CFAP100: variants seen among roughly 807,000 people sequenced by gnomAD.
CFAP100 encodes cilia and flagella associated protein 100.
CFAP100 carries 70 observed loss-of-function variants against 81.5 expected under a neutral mutation model. The ratio of observed to expected loss-of-function variants is 0.86; its 90% CI spans 0.71 to 1.05. The LOEUF (loss-of-function observed/expected upper bound fraction) is 1.05, where lower values mean the gene tolerates loss of function less well. CFAP100 is among the 50% of genes least tolerant of loss of function. The pLI, the probability that CFAP100 is intolerant of heterozygous loss-of-function variation, is 0.00. For synonymous variants in CFAP100, 341 were observed against 314.8 expected (o/e 1.08, Z -0.88); for missense variants, 811 against 776.5 (o/e 1.04, Z -0.53).
intron 13 of CFAP100, among the ~76,000 whole-genome samples, chr3:126,427,242 A>T (rs1576644737): frequency 6.6e-6 from 1 of 152,364 alleles, no homozygotes; most frequent in African/African-American, 2.4e-5. Flanking sequence ...ACACTAGCCA[A>T]CCTCAAGACT....
At chr3:126,404,465 A>G (rs1460761649) in intron 2 of CFAP100, among the ~76,000 whole-genome samples, 1 of 152,196 alleles carries the variant, frequency 6.6e-6, no homozygotes, top group Non-Finnish European at 1.5e-5. Context: ...TGCACATTAC[A>G]AGGATCTGAC....
rs1272023801 is a variant in CFAP100, at chr3:126,425,764, CA to C, written c.1286+2124del. On this transcript the variant is annotated intron_variant, in intron 13 of 16. Coordinates refer to ENST00000352312, the MANE Select transcript of CFAP100 (RefSeq NM_182628.3). ...AGGTATGCAGGGCTGGTTCAACATTCAAAACTTAACATAATCTGTCATATCC... is the reference window on the plus strand; with the variant it reads ...AGGTATGCAGGGCTGGTTCAACATTCAAACTTAACATAATCTGTCATATCC... Among the ~76,000 whole-genome samples, 7 of 152,262 alleles carry C rather than the reference CA, an allele frequency of 4.6e-5. No homozygotes were observed. In the South Asian group the frequency reaches 6.2e-4, roughly 14 times the overall value.
intron 2 of CFAP100, among the ~76,000 whole-genome samples, chr3:126,398,417 A>G (rs1226754217): frequency 6.6e-6 from 1 of 152,228 alleles, no homozygotes; most frequent in African/African-American, 2.4e-5. Context: ...GGCTCCAGGT[A>G]CAAGACTCCA....
Position 126,434,360 on chromosome 3 carries a change from AG to A in CFAP100, c.1609del (p.Glu537ArgfsTer62), listed in dbSNP as rs1933359214. ...QVKIEQAERA[K>X]EKERRIRLRE... ...AAGATCGAGCAGGCCGAGAGGGCAA[AG>A]GAGAAGGAGCGGCGCATCAGGTGAG... On this transcript the variant is annotated frameshift_variant, in exon 15 of 17. Coordinates refer to ENST00000352312, the MANE Select transcript of CFAP100 (RefSeq NM_182628.3). LOFTEE classifies it high-confidence loss of function. 3 of 1,613,812 alleles carry A rather than the reference AG, an allele frequency of 1.9e-6. No individual in the cohort carries two copies. In the East Asian group the frequency reaches 6.7e-5, roughly 36 times the overall value.
chr3:126,426,608 G>A (rs1024105550), intron 13 of CFAP100, among the ~76,000 whole-genome samples: 1 of 152,144 alleles, frequency 6.6e-6, no homozygotes, highest in African/African-American at 2.4e-5. Context: ...AAATTAGCTG[G>A]GCGTGGTGGT....
At chr3:126,419,913 GC>G in intron 9 of CFAP100, 66 bp from the exon 10 acceptor site, 1 of 1,612,146 alleles carries the variant, frequency 6.2e-7, no homozygotes, top group African/African-American at 1.3e-5. Flanking sequence ...AGGCATCTGG[GC>G]CACATGGCGT....
Position 126,435,611 on chromosome 3 carries a change from C to A in CFAP100, c.1681C>A (p.Gln561Lys). The change falls in exon 16 of 17, where the codon CAG becomes AAG. Residue 561 changes from glutamine to lysine, a missense_variant. Coordinates refer to ENST00000352312, the MANE Select transcript of CFAP100 (RefSeq NM_182628.3). Reference protein sequence around the residue: ...MQKILQEEHLQRARARAQAEI... With the variant: ...MQKILQEEHLKRARARAQAEI... Reference sequence around the variant, plus strand: ...AAAGATCCTACAGGAGGAGCATCTGCAGCGGGCCCGGGCGCGCGCCCAGGC... The same window carrying A: ...AAAGATCCTACAGGAGGAGCATCTGAAGCGGGCCCGGGCGCGCGCCCAGGC... 1 of 1,612,734 alleles carries A rather than the reference C, an allele frequency of 6.2e-7. No homozygotes were observed. Among genetic ancestry groups the A allele is most frequent in the South Asian group, 1.1e-5 (1 of 90,998 alleles).
At chr3:126,422,588 C>T (rs1469465181) in intron 11 of CFAP100, among the ~76,000 whole-genome samples, 2 of 152,072 alleles carry the variant, frequency 1.3e-5, no homozygotes, top group African/African-American at 4.8e-5. Flanking sequence ...GGTGAGGTCC[C>T]CATCGAGTGG....
In CFAP100 at chr3:126,419,794, G is replaced by GTT; in HGVS notation, c.890_891dup (p.Asn298LeufsTer46). ...CTCCGAGGCTTCCAAAGAGAGCAGT[G>GTT]TTAACTCCACACCAGGGGACAAAGG... On this transcript the variant is annotated frameshift_variant, in exon 9 of 17. Transcript: ENST00000352312. LOFTEE classifies it high-confidence loss of function. 1 of 1,613,922 alleles carries GTT rather than the reference G, an allele frequency of 6.2e-7. No homozygotes were observed. Among genetic ancestry groups the GTT allele is most frequent in the Non-Finnish European group, 8.5e-7 (1 of 1,180,042 alleles).
chr3:126,412,782 C>T (rs574776085), intron 3 of CFAP100, among the ~76,000 whole-genome samples: 18 of 152,308 alleles, frequency 1.2e-4, no homozygotes, highest in Admixed American at 5.9e-4. Context: ...TTAAGCCAGT[C>T]TCCCCATAGC....
At chr3:126,408,027 ACC>A (rs1276156017) in intron 3 of CFAP100, among the ~76,000 whole-genome samples, 1 of 151,812 alleles carries the variant, frequency 6.6e-6, no homozygotes, top group Non-Finnish European at 1.5e-5. Flanking sequence ...CCAGGCTCCC[ACC>A]CCTCTCCCCA....
At chr3:126,403,204 G>A (rs776573514) in intron 2 of CFAP100, among the ~76,000 whole-genome samples, 4 of 152,156 alleles carry the variant, frequency 2.6e-5, no homozygotes, top group Non-Finnish European at 4.4e-5. Context: ...GAGAGTAGGC[G>A]GAAACGTGAG....
In CFAP100 at chr3:126,409,086, G is replaced by C. The variant is rs548817161; in HGVS notation, c.130+1834G>C. Among the ~76,000 whole-genome samples the C allele has an allele frequency of 2.6e-5, 4 of 152,274 alleles. No individual in the cohort carries two copies. In the South Asian group the frequency reaches 8.3e-4, roughly 32 times the overall value. On this transcript the variant is annotated intron_variant, in intron 3 of 16. Transcript: ENST00000352312. Reference sequence around the variant, plus strand: ...TTACAGGCGTGAGCCACTGCACCTGGCCCAGTTTATGAGTTTTGACAAATG... The same window carrying C: ...TTACAGGCGTGAGCCACTGCACCTGCCCCAGTTTATGAGTTTTGACAAATG...
At chr3:126,409,732 G>T (rs536770759) in intron 3 of CFAP100, among the ~76,000 whole-genome samples, 3 of 152,238 alleles carry the variant, frequency 2.0e-5, no homozygotes, top group African/African-American at 7.2e-5. Flanking sequence ...TTCTGTGTTG[G>T]GACGTACCTG....
At chr3:126,429,437 A>G (rs1457192735) in intron 13 of CFAP100, among the ~76,000 whole-genome samples, 1 of 151,930 alleles carries the variant, frequency 6.6e-6, no homozygotes, top group East Asian at 1.9e-4. Context: ...GCCTCTTGTG[A>G]CAGTTTTTGA....
chr3:126,423,049 A>C (rs1430916663), intron 11 of CFAP100, among the ~76,000 whole-genome samples: 3 of 152,200 alleles, frequency 2.0e-5, no homozygotes, highest in Admixed American at 6.5e-5. Context: ...GCCACCCAGG[A>C]CTGGGGCCTC....
intron 2 of CFAP100, among the ~76,000 whole-genome samples, chr3:126,400,751 C>CAA (rs142983438): frequency 3.5e-5 from 5 of 143,366 alleles, no homozygotes; most frequent in Admixed American, 7.0e-5. Context: ...GACTCCGTCT[C>CAA]AAAAAAAAAA....
intron 13 of CFAP100, among the ~76,000 whole-genome samples, chr3:126,430,712 G>C (rs1933184626): frequency 6.6e-6 from 1 of 151,080 alleles, no homozygotes; most frequent in Non-Finnish European, 1.5e-5. Context: ...TGCTGTTACA[G>C]CTCTCTTGAA....
At chr3:126,433,034 G>A in intron 13 of CFAP100, 35 bp from the exon 14 acceptor site, 1 of 1,612,570 alleles carries the variant, frequency 6.2e-7, no homozygotes, top group East Asian at 2.2e-5. Context: ...GCTGTGCTGA[G>A]TGACTGATGC....
Sources: gnomAD v4.1 joint callset for allele counts (sites outside exome capture counted in the v4.1 genomes callset) on GRCh38, gnomAD v4.1.1 for gene constraint, MANE v1.5 for transcripts, NCBI Gene and HGNC (gene_info 2026-07-23, HGNC 2026-07-21) for gene names.